Variants in EBF3 observed in about 807,000 individuals in gnomAD.
EBF3 encodes EBF transcription factor 3, also known as transcription factor COE3.
EBF3 carries 18 observed loss-of-function variants against 77.1 expected under a neutral mutation model. That is an observed-to-expected ratio of 0.23 (90% CI 0.16 to 0.35). The LOEUF (loss-of-function observed/expected upper bound fraction) is 0.35. EBF3 is among the 10% of genes least tolerant of loss of function. The probability of loss-of-function intolerance (pLI) is 1.00; values close to 1 mark genes in which losing one functional copy is unlikely to be tolerated. For synonymous variants in EBF3, 350 were observed against 343.5 expected (o/e 1.02, Z -0.21); for missense variants, 558 against 860.0 (o/e 0.65, Z 4.39).
At chr10:129,932,565 C>G (rs1857094651) in intron 6 of EBF3, among the ~76,000 whole-genome samples, 1 of 152,246 alleles carries the variant, frequency 6.6e-6, no homozygotes, top group South Asian at 2.1e-4. Flanking sequence ...GCAGGACAGA[C>G]AGTGATCAGG....
intron 10 of EBF3, among the ~76,000 whole-genome samples, chr10:129,860,336 A>AG (rs1295519102): frequency 6.6e-6 from 1 of 151,976 alleles, no homozygotes; most frequent in East Asian, 1.9e-4. Flanking sequence ...CTTAACAGGA[A>AG]GAGGGCCGGG....
At chr10:129,899,296 A>G (rs1854617412) in intron 6 of EBF3, among the ~76,000 whole-genome samples, 1 of 152,208 alleles carries the variant, frequency 6.6e-6, no homozygotes, top group African/African-American at 2.4e-5. Flanking sequence ...AACGTCTTAA[A>G]TTTTCTAAAC....
chr10:129,926,880 G>A lies in EBF3; in HGVS notation c.554+30378C>T, dbSNP rs554495899. 6.4e-4 allele frequency among the ~76,000 whole-genome samples: 98 copies of A among 152,256 alleles called. 2 individuals are homozygous for A. The South Asian group carries it at 0.012, about 18-fold the overall frequency. ...CGTGGAGGCTTCAGGTGTGCTCAGCGTTCCCCGAAACGGGGCTCCAGAGCC... is the reference window on the plus strand; with the variant it reads ...CGTGGAGGCTTCAGGTGTGCTCAGCATTCCCCGAAACGGGGCTCCAGAGCC... On this transcript the variant is annotated intron_variant, in intron 6 of 16. Transcript: ENST00000440978.
intron 14 of EBF3, 49 bp downstream of exon 14, chr10:129,840,795 T>A (rs1187831551): frequency 6.3e-7 from 1 of 1,578,874 alleles, no homozygotes; most frequent in Non-Finnish European, 8.6e-7. Context: ...CTCGACTCGG[T>A]AGTGAATATG....
chr10:129,839,925 A>G (rs905411927), intron 15 of EBF3, among the ~76,000 whole-genome samples: 4 of 152,174 alleles, frequency 2.6e-5, no homozygotes, highest in Admixed American at 1.3e-4. Context: ...GACCACAGCT[A>G]CCTTCACCAC....
intron 6 of EBF3, among the ~76,000 whole-genome samples, chr10:129,921,494 G>A (rs563188266): frequency 5.3e-5 from 8 of 152,302 alleles, no homozygotes; most frequent in East Asian, 3.9e-4. Flanking sequence ...GGGCCTCACC[G>A]ATCCCTGTGG....
chr10:129,916,013 G>A (rs1176082325), intron 6 of EBF3, among the ~76,000 whole-genome samples: 1 of 152,216 alleles, frequency 6.6e-6, no homozygotes, highest in African/African-American at 2.4e-5. Flanking sequence ...TGATTCACGT[G>A]GAGCTGGCCA....
intron 6 of EBF3, among the ~76,000 whole-genome samples, chr10:129,878,767 T>C (rs1246212159): frequency 8.1e-6 from 1 of 123,382 alleles, no homozygotes; most frequent in Non-Finnish European, 1.6e-5. Flanking sequence ...GAGGTTGCAG[T>C]GAGCGGAGAT....
chr10:129,889,972 TTTTTG>T (rs1285217551), intron 6 of EBF3, among the ~76,000 whole-genome samples: 7 of 132,522 alleles, frequency 5.3e-5, no homozygotes, highest in East Asian at 2.1e-4. Context: ...TTTTTTTTTT[TTTTTG>T]GTTATGAAGA....
chr10:129,959,475 G>A (rs911755372), intron 4 of EBF3, among the ~76,000 whole-genome samples: 4 of 152,080 alleles, frequency 2.6e-5, no homozygotes, highest in African/African-American at 9.7e-5. Context: ...AGAACGCCCC[G>A]AGGCTAAAGA....
At chr10:129,949,242 G>A (rs1172596072) in intron 6 of EBF3, among the ~76,000 whole-genome samples, 1 of 152,136 alleles carries the variant, frequency 6.6e-6, no homozygotes. Context: ...CGGAGGTTGC[G>A]GTGAGCCGAG....
chr10:129,876,618 G>GAGCT (rs938796746), intron 7 of EBF3, among the ~76,000 whole-genome samples: 2 of 152,204 alleles, frequency 1.3e-5, no homozygotes, highest in African/African-American at 4.8e-5. Flanking sequence ...GAAATGCTTT[G>GAGCT]AGCTATTTGA....
intron 8 of EBF3, 114 bp from the exon 9 acceptor site, chr10:129,868,026 T>C (rs1476170657): frequency 2.8e-6 from 4 of 1,452,478 alleles, no homozygotes; most frequent in Non-Finnish European, 3.7e-6. Flanking sequence ...GCGCCGTTCC[T>C]CCAGGCGGCA....
intron 7 of EBF3, among the ~76,000 whole-genome samples, chr10:129,874,736 C>T (rs1852633879): frequency 6.6e-6 from 1 of 152,086 alleles, no homozygotes; most frequent in African/African-American, 2.4e-5. Flanking sequence ...GGTGGTTGCA[C>T]GTGAGTGGAG....
chr10:129,850,706 C>T (rs981166418), intron 10 of EBF3, among the ~76,000 whole-genome samples: 26 of 152,216 alleles, frequency 1.7e-4, no homozygotes, highest in Admixed American at 9.8e-4. Context: ...GACACGCATT[C>T]GTGGTTCTGG....
intron 11 of EBF3, chr10:129,845,760 A>AG (rs1227227890): frequency 2.0e-5 from 3 of 152,066 alleles, no homozygotes; most frequent in South Asian, 4.2e-4. Flanking sequence ...GTATATTAGA[A>AG]AAAAAGAACA....
At chr10:129,862,545 C>A (rs1851715173) in intron 10 of EBF3, among the ~76,000 whole-genome samples, 1 of 152,140 alleles carries the variant, frequency 6.6e-6, no homozygotes, top group South Asian at 2.1e-4. Context: ...AGTAAGAACA[C>A]CCGACCCAGC....
chr10:129,912,934 C>T (rs957654651), intron 6 of EBF3, among the ~76,000 whole-genome samples: 12 of 152,216 alleles, frequency 7.9e-5, no homozygotes, highest in African/African-American at 2.2e-4. Flanking sequence ...ACATCTAAGT[C>T]GACCTGATGA....
At chr10:129,852,594 C>A (rs117228584) in intron 10 of EBF3, among the ~76,000 whole-genome samples, 2,881 of 152,234 alleles carry the variant, frequency 0.019, 35 homozygotes, top group Non-Finnish European at 0.031. Flanking sequence ...ATCTCTAATA[C>A]CCCAAAATGT....
Sources: gnomAD v4.1 joint callset for allele counts (sites outside exome capture counted in the v4.1 genomes callset) on GRCh38, gnomAD v4.1.1 for gene constraint, MANE v1.5 for transcripts, NCBI Gene and HGNC (gene_info 2026-07-23, HGNC 2026-07-21) for gene names.